MAN1A1: variants seen among roughly 807,000 people sequenced by gnomAD.
The protein encoded by MAN1A1 is mannosidase alpha class 1A member 1.
Under a neutral mutation model 70.8 loss-of-function variants are expected in MAN1A1, and 29 were observed. The observed-to-expected ratio is 0.41, with a 90% CI of 0.31 to 0.56. The LOEUF is 0.56. MAN1A1 is among the 20% of genes least tolerant of loss of function. The pLI is 0.29. For missense variants in MAN1A1, 747 were observed against 841.3 expected (o/e 0.89, Z 1.39); for synonymous variants, 349 against 330.1 (o/e 1.06, Z -0.62).
At chr6:119,188,608 T>G in intron 10 of MAN1A1, 31 bp from the exon 11 acceptor site, 1 of 1,596,762 alleles carries the variant, frequency 6.3e-7, no homozygotes, top group Non-Finnish European at 8.6e-7. Flanking sequence ...GAATAAGGGT[T>G]ATTTTCCTGG....
At position 119,306,790 on chromosome 6, in the gene MAN1A1, C is replaced by T. The variant is rs542315476; in HGVS notation, c.700+106G>A. Reference sequence around the variant, plus strand: ...TCCATCAGGTGTGCAAGTTTCCTAACCAAATGGCCTGGAGGGCCATGTTAC... The same window carrying T: ...TCCATCAGGTGTGCAAGTTTCCTAATCAAATGGCCTGGAGGGCCATGTTAC... On this transcript the variant is annotated intron_variant, in intron 3 of 12. Coordinates refer to ENST00000368468, the MANE Select transcript of MAN1A1 (RefSeq NM_005907.4). 30 of 771,318 alleles carry T rather than the reference C, an allele frequency of 3.9e-5. No individual in the cohort carries two copies. In the South Asian group the frequency reaches 4.7e-4, roughly 12 times the overall value. The allele number at this position is 771,318 out of a possible 1,614,324, so 47.8% of individuals were successfully genotyped here. A position where few individuals can be genotyped will look rare whatever the true frequency, so the allele number is the denominator to read the frequency against.
chr6:119,299,080 T>C lies in MAN1A1; in HGVS notation c.816+2908A>G, dbSNP rs1027073648. Among the ~76,000 whole-genome samples the C allele has an allele frequency of 1.4e-4, 22 of 152,186 alleles. No homozygotes were observed. In the East Asian group the frequency reaches 4.2e-3, roughly 29 times the overall value. ...TTTCTTCATATAAATGAGAAAAATT[T>C]CTCAATGTTTTTTGAAGAAAAATCC... On this transcript the variant is annotated intron_variant, in intron 4 of 12. Transcript: ENST00000368468.
chr6:119,247,333 ATCTC>A (rs1361552197), intron 6 of MAN1A1, among the ~76,000 whole-genome samples: 2 of 152,152 alleles, frequency 1.3e-5, no homozygotes, highest in African/African-American at 2.4e-5. Flanking sequence ...AAATTAATTA[ATCTC>A]TCTGTGACTA....
chr6:119,263,006 G>T (rs953734230), intron 5 of MAN1A1, among the ~76,000 whole-genome samples: 1 of 152,134 alleles, frequency 6.6e-6, no homozygotes, highest in Non-Finnish European at 1.5e-5. Flanking sequence ...AGAAAAACGT[G>T]AAAAGGAGAG....
At chr6:119,336,003 C>T (rs80304419) in intron 2 of MAN1A1, among the ~76,000 whole-genome samples, 4,216 of 152,248 alleles carry the variant, frequency 0.028, 262 homozygotes, top group East Asian at 0.27. Flanking sequence ...TAGCAACATG[C>T]TAAAAATGCA....
At chr6:119,219,910 A>G (rs899664079) in intron 6 of MAN1A1, among the ~76,000 whole-genome samples, 1 of 150,040 alleles carries the variant, frequency 6.7e-6, no homozygotes, top group Non-Finnish European at 1.5e-5. Context: ...TTAGTAAGAA[A>G]AGCTAGGAAA....
chr6:119,319,165 T>C (rs1420746716), intron 2 of MAN1A1, among the ~76,000 whole-genome samples: 2 of 152,094 alleles, frequency 1.3e-5, no homozygotes, highest in Non-Finnish European at 2.9e-5. Flanking sequence ...GTACCATCTT[T>C]AAGGCAAGCA....
chr6:119,348,655 C>G lies in MAN1A1; in HGVS notation c.411G>C (p.Glu137Asp). 3 of 1,613,462 alleles carry G rather than the reference C, an allele frequency of 1.9e-6. No individual in the cohort carries two copies. The highest frequency in any genetic ancestry group is 2.5e-6 in the Non-Finnish European group (3 of 1,179,732). ...NHERALREAK[E>D]TLQKLPEEIQ... ...TCTCCTCGGGCAGCTTCTGCAGGGT[C>G]TCCTTGGCTTCCCTGAGAGCCCGCT... Residue 137 changes from glutamate to aspartate, a missense_variant, in exon 2 of 13, where the codon GAG (glutamate) becomes GAC (aspartate). Glu to Asp is a conservative substitution (Grantham distance 45). Coordinates refer to ENST00000368468, the MANE Select transcript of MAN1A1 (RefSeq NM_005907.4).
chr6:119,201,359 A>G lies in MAN1A1; in HGVS notation c.1117-12T>C. ...CGAATATTCATTACCTATAATAGAA[A>G]ATAAAATGTTACCGTGAAAATCTAA... On this transcript the variant is annotated splice_polypyrimidine_tract_variant and intron_variant, in intron 7 of 12. Transcript: ENST00000368468. 6.4e-7 allele frequency: 1 copy of G among 1,564,164 alleles called. No homozygotes were observed.
chr6:119,310,837 T>C (rs938123351), intron 2 of MAN1A1, among the ~76,000 whole-genome samples: 5 of 152,238 alleles, frequency 3.3e-5, no homozygotes, highest in African/African-American at 1.2e-4. Context: ...ACAGCAGCTA[T>C]AGAACTATCA....
intron 5 of MAN1A1, among the ~76,000 whole-genome samples, chr6:119,272,011 C>T (rs1407562034): frequency 2.0e-5 from 3 of 152,136 alleles, no homozygotes; most frequent in Non-Finnish European, 4.4e-5. Context: ...ACATTATTAG[C>T]TTTTTGTCAC....
chr6:119,337,692 T>C (rs1410427656), intron 2 of MAN1A1, among the ~76,000 whole-genome samples: 1 of 152,244 alleles, frequency 6.6e-6, no homozygotes, highest in Non-Finnish European at 1.5e-5. Context: ...TTATTCACCC[T>C]AACTGCTAAA....
intron 6 of MAN1A1, among the ~76,000 whole-genome samples, chr6:119,215,106 G>A (rs937979399): frequency 1.3e-5 from 2 of 151,756 alleles, no homozygotes; most frequent in African/African-American, 2.4e-5. Flanking sequence ...GTTAAATGAC[G>A]AGTTAATGGG....
chr6:119,253,064 GTCT>G (rs1320313109), intron 5 of MAN1A1, among the ~76,000 whole-genome samples: 11 of 152,100 alleles, frequency 7.2e-5, no homozygotes, highest in Admixed American at 7.2e-4. Flanking sequence ...GTTTTGAAGT[GTCT>G]TCTTCTCTTA....
chr6:119,254,400 T>C (rs1775407064), intron 5 of MAN1A1, among the ~76,000 whole-genome samples: 1 of 152,182 alleles, frequency 6.6e-6, no homozygotes, highest in East Asian at 1.9e-4. Context: ...TTTCTGTTTT[T>C]GATTTATCAC....
At chr6:119,275,124 T>A (rs1776020219) in intron 5 of MAN1A1, among the ~76,000 whole-genome samples, 1 of 151,926 alleles carries the variant, frequency 6.6e-6, no homozygotes. Flanking sequence ...TCATTTTTTT[T>A]TTTTGAGACA....
chr6:119,337,947 T>C (rs1003629480), intron 2 of MAN1A1, among the ~76,000 whole-genome samples: 1 of 152,126 alleles, frequency 6.6e-6, no homozygotes, highest in African/African-American at 2.4e-5. Context: ...AAGAATGCCT[T>C]ATAAAATTGC....
chr6:119,193,123 G>A (rs1176645106), intron 9 of MAN1A1, among the ~76,000 whole-genome samples: 2 of 151,972 alleles, frequency 1.3e-5, no homozygotes, highest in Non-Finnish European at 2.9e-5. Flanking sequence ...CTGAGGTACA[G>A]CAACTTTATC....
At chr6:119,349,497 A>C (rs1295389) in intron 1 of MAN1A1, 45 bp downstream of exon 1, 1 of 979,432 alleles carries the variant, frequency 1.0e-6, no homozygotes, top group East Asian at 1.1e-4. Flanking sequence ...CCGCGCAGGA[A>C]GGGGTCAGGG....
Sources: gnomAD v4.1 joint callset for allele counts (sites outside exome capture counted in the v4.1 genomes callset) on GRCh38, gnomAD v4.1.1 for gene constraint, MANE v1.5 for transcripts, NCBI Gene and HGNC (gene_info 2026-07-23, HGNC 2026-07-21) for gene names.